The following ATAD1 variants were observed in gnomAD, a reference collection of about 807,000 sequenced individuals.
ATAD1 encodes the protein outer mitochondrial transmembrane helix translocase.
In ATAD1, 18 loss-of-function variants were observed where a neutral mutation model predicts 42.7. The observed-to-expected ratio is 0.42, with a 90% CI of 0.29 to 0.63. ATAD1 has a LOEUF of 0.63. Among genes scored for constraint, ATAD1 ranks in the 20% least tolerant of loss-of-function variants. ATAD1 has a pLI of 0.19. For synonymous variants in ATAD1, 132 were observed against 143.1 expected (o/e 0.92, Z 0.55); for missense variants, 294 against 440.4 (o/e 0.67, Z 2.98).
At chr10:87,806,275 T>C (rs1376281794) in intron 2 of ATAD1, among the ~76,000 whole-genome samples, 1 of 151,562 alleles carries the variant, frequency 6.6e-6, no homozygotes. Context: ...ACTCCTCTGG[T>C]CATTTTTTTT....
Position 87,771,017 on chromosome 10 carries a change from G to T in ATAD1, c.715C>A (p.Arg239Ser). Residue 239 changes from arginine (R) to serine (S), a missense_variant, in exon 7 of 10, where the codon CGT becomes AGT. Physicochemically the swap from Arg to Ser is moderately radical, Grantham distance 110. Around this residue, in one of 3 missense-constraint regions of ATAD1, gnomAD observed 142 missense variants for 174.6 expected, o/e 0.81. Transcript: ENST00000680024. ...ATAGCCGAGTCAAGGTCCTGAGGAC[G>T]ATTGGTAGCTCCCATTACTATGACC... ...CQVIVMGATN[R>S]PQDLDSAIMR... The T allele has an allele frequency of 6.2e-7, 1 of 1,613,286 alleles. No homozygotes were observed. The highest frequency in any genetic ancestry group is 2.2e-5 in the East Asian group (1 of 44,782).
At chr10:87,764,680 C>G (rs935526541) in intron 8 of ATAD1, among the ~76,000 whole-genome samples, 1 of 152,084 alleles carries the variant, frequency 6.6e-6, no homozygotes, top group Non-Finnish European at 1.5e-5. Context: ...GTGTCTCCTC[C>G]CCACCACCCT....
intron 6 of ATAD1, among the ~76,000 whole-genome samples, chr10:87,774,577 A>G (rs1048947534): frequency 1.9e-4 from 29 of 152,202 alleles, no homozygotes; most frequent in African/African-American, 6.8e-4. Flanking sequence ...GAAGAGCTTC[A>G]AATGAACCAG....
At chr10:87,811,892 T>C (rs1313098961) in intron 2 of ATAD1, among the ~76,000 whole-genome samples, 4 of 152,216 alleles carry the variant, frequency 2.6e-5, no homozygotes, top group Admixed American at 2.0e-4. Flanking sequence ...CATCTTCTCA[T>C]AAATTTGCCC....
chr10:87,817,353 T>C (rs1282266738), intron 1 of ATAD1, among the ~76,000 whole-genome samples: 1 of 152,170 alleles, frequency 6.6e-6, no homozygotes, highest in Non-Finnish European at 1.5e-5. Context: ...AATACACAAA[T>C]ATGTACATAT....
At chr10:87,755,831 G>A (rs1049454767) in intron 9 of ATAD1, among the ~76,000 whole-genome samples, 5 of 149,930 alleles carry the variant, frequency 3.3e-5, no homozygotes, top group African/African-American at 1.2e-4. Context: ...TGAACCTGGG[G>A]AGAGAGGTTG....
At chr10:87,809,012 A>G (rs1403659118) in intron 2 of ATAD1, among the ~76,000 whole-genome samples, 1 of 152,222 alleles carries the variant, frequency 6.6e-6, no homozygotes, top group East Asian at 1.9e-4. Flanking sequence ...ATAAAGTTCT[A>G]TGGGCCTGAA....
chr10:87,786,791 C>T (rs1346269853), intron 4 of ATAD1, among the ~76,000 whole-genome samples: 1 of 151,966 alleles, frequency 6.6e-6, no homozygotes, highest in Non-Finnish European at 1.5e-5. Context: ...CCCGACTCTA[C>T]CAAAATATAA....
chr10:87,820,329 T>C (rs1204531516), upstream of ATAD1, among the ~76,000 whole-genome samples: 1 of 152,142 alleles, frequency 6.6e-6, no homozygotes, highest in Non-Finnish European at 1.5e-5. Context: ...AAATTCAAGA[T>C]AGTAATGGAT....
chr10:87,776,410 G>A lies in ATAD1; in HGVS notation c.601C>T (p.Arg201Cys), dbSNP rs1302126882. 1 of 1,613,134 alleles carries A rather than the reference G, an allele frequency of 6.2e-7. No individual in the cohort carries two copies. Among genetic ancestry groups the A allele is most frequent in the African/African-American group, 1.3e-5 (1 of 74,844 alleles). ...GTAGCTTCATGGTCAGAACTTGAACGGTTTCGTAGAAAGGAGTCTAGAAGT... is the reference window on the plus strand; with the variant it reads ...GTAGCTTCATGGTCAGAACTTGAACAGTTTCGTAGAAAGGAGTCTAGAAGT... ...IDEIDSFLRN[R>C]SSSDHEATAM... The change falls in exon 6 of 10, where the codon CGT (arginine) becomes TGT (cysteine). Residue 201 changes from arginine to cysteine, a missense_variant. By Grantham distance (180) the Arg-to-Cys change is radical. Around this residue, in one of 3 missense-constraint regions of ATAD1, gnomAD observed 31 missense variants for 78.6 expected, o/e 0.39. Coordinates refer to ENST00000680024, the MANE Select transcript of ATAD1 (RefSeq NM_001321967.2).
At chr10:87,805,094 C>T (rs1856861753) in intron 2 of ATAD1, among the ~76,000 whole-genome samples, 1 of 152,182 alleles carries the variant, frequency 6.6e-6, no homozygotes. Context: ...CCTTTAAAAT[C>T]ACATGGGGCC....
chr10:87,759,534 G>C (rs1462949216), intron 8 of ATAD1, among the ~76,000 whole-genome samples: 2 of 152,180 alleles, frequency 1.3e-5, no homozygotes. Context: ...ACTTCCTCCT[G>C]TCTTTTGACC....
At chr10:87,766,147 C>A (rs1854736700) in intron 8 of ATAD1, among the ~76,000 whole-genome samples, 1 of 152,158 alleles carries the variant, frequency 6.6e-6, no homozygotes, top group South Asian at 2.1e-4. Flanking sequence ...GGAAAAGAGG[C>A]ACTCTTTATC....
chr10:87,809,714 T>C (rs563582505), intron 2 of ATAD1, among the ~76,000 whole-genome samples: 3 of 152,130 alleles, frequency 2.0e-5, no homozygotes, highest in African/African-American at 7.2e-5. Flanking sequence ...TGGAGTGCAA[T>C]GGCGCAATCT....
chr10:87,815,269 C>T (rs537335753), intron 1 of ATAD1, among the ~76,000 whole-genome samples: 2 of 151,994 alleles, frequency 1.3e-5, no homozygotes, highest in African/African-American at 2.4e-5. Flanking sequence ...AGCACTCACC[C>T]AAGCTAAAGA....
intron 8 of ATAD1, among the ~76,000 whole-genome samples, chr10:87,758,871 C>T (rs1394967760): frequency 6.6e-6 from 1 of 152,046 alleles, no homozygotes; most frequent in Non-Finnish European, 1.5e-5. Flanking sequence ...ATTCACAATA[C>T]TGGAAGATTT....
intron 5 of ATAD1, among the ~76,000 whole-genome samples, chr10:87,784,064 T>C (rs1265072794): frequency 6.6e-6 from 1 of 152,058 alleles, no homozygotes; most frequent in African/African-American, 2.4e-5. Context: ...ATCAACATGC[T>C]AAAAGATGCC....
At chr10:87,757,552 T>C (rs2131754275) in intron 8 of ATAD1, among the ~76,000 whole-genome samples, 1 of 152,264 alleles carries the variant, frequency 6.6e-6, no homozygotes, top group South Asian at 2.1e-4. Context: ...GCACTTTGCA[T>C]GTATTATTCT....
chr10:87,819,633 T>C (rs1463657513), upstream of ATAD1, among the ~76,000 whole-genome samples: 1 of 152,204 alleles, frequency 6.6e-6, no homozygotes, highest in Non-Finnish European at 1.5e-5. Context: ...TTCTCCGTTT[T>C]TACAAATGAG....
Sources: allele counts gnomAD v4.1 joint callset (sites outside exome capture counted in the v4.1 genomes callset), GRCh38; gene constraint gnomAD v4.1.1; regional missense constraint gnomAD v4.1.1; transcripts MANE v1.5; gene names NCBI Gene and HGNC (gene_info 2026-07-23, HGNC 2026-07-21).